FBXL7: variants seen among roughly 807,000 people sequenced by gnomAD.
FBXL7 encodes F-box and leucine rich repeat protein 7.
In FBXL7, 12 loss-of-function variants were observed where a neutral mutation model predicts 38.3. The ratio of observed to expected loss-of-function variants is 0.31; its 90% CI spans 0.20 to 0.51. The LOEUF (loss-of-function observed/expected upper bound fraction) is 0.51. Among genes scored for constraint, FBXL7 ranks in the 20% least tolerant of loss-of-function variants. The pLI, the probability that FBXL7 is intolerant of heterozygous loss-of-function variation, is 0.98. For synonymous variants in FBXL7, 297 were observed against 300.9 expected (o/e 0.99, Z 0.13); for missense variants, 567 against 676.4 (o/e 0.84, Z 1.79).
At chr5:15,760,978 G>A (rs1561115927) in intron 2 of FBXL7, among the ~76,000 whole-genome samples, 1 of 151,714 alleles carries the variant, frequency 6.6e-6, no homozygotes, top group Non-Finnish European at 1.5e-5. Flanking sequence ...AGTGATCATT[G>A]GAAGTTAGAC....
chr5:15,681,931 C>G (rs1386474601), intron 2 of FBXL7, among the ~76,000 whole-genome samples: 5 of 152,178 alleles, frequency 3.3e-5, no homozygotes, highest in Non-Finnish European at 7.3e-5. Flanking sequence ...TACAACATCT[C>G]TAGTTTGTTT....
chr5:15,672,686 C>T (rs1436039281), intron 2 of FBXL7, among the ~76,000 whole-genome samples: 1 of 151,880 alleles, frequency 6.6e-6, no homozygotes, highest in East Asian at 1.9e-4. Flanking sequence ...TCCCAAGTAG[C>T]TGAGACTACA....
intron 2 of FBXL7, among the ~76,000 whole-genome samples, chr5:15,618,398 CTG>C (rs988153352): frequency 2.0e-5 from 3 of 152,046 alleles, no homozygotes; most frequent in Non-Finnish European, 4.4e-5. Context: ...ATTTGTGTGT[CTG>C]AATCCTTTTT....
At chr5:15,553,243 T>C (rs1202993968) in intron 1 of FBXL7, among the ~76,000 whole-genome samples, 1 of 152,176 alleles carries the variant, frequency 6.6e-6, no homozygotes, top group Non-Finnish European at 1.5e-5. Flanking sequence ...GGCCCACTTG[T>C]CTTATTTACC....
chr5:15,510,786 C>G (rs1276811366), intron 1 of FBXL7, among the ~76,000 whole-genome samples: 1 of 152,192 alleles, frequency 6.6e-6, no homozygotes, highest in Non-Finnish European at 1.5e-5. Context: ...ATAATTATAG[C>G]TAGCAGTTAT....
intron 2 of FBXL7, among the ~76,000 whole-genome samples, chr5:15,783,334 G>A (rs2126723240): frequency 6.6e-6 from 1 of 152,266 alleles, no homozygotes; most frequent in Middle Eastern, 3.4e-3. Flanking sequence ...TGCAGTTCCT[G>A]GAAATGAGAA....
intron 1 of FBXL7, among the ~76,000 whole-genome samples, chr5:15,562,073 C>G (rs1487779347): frequency 3.3e-5 from 5 of 151,808 alleles, no homozygotes; most frequent in Non-Finnish European, 7.4e-5. Context: ...GGATATTAAC[C>G]TGCAAAAGAA....
chr5:15,760,075 C>T (rs1035083298), intron 2 of FBXL7, among the ~76,000 whole-genome samples: 2 of 151,662 alleles, frequency 1.3e-5, no homozygotes, highest in Non-Finnish European at 2.9e-5. Context: ...TTGCTTTAAT[C>T]CTTGTTTTTT....
intron 1 of FBXL7, among the ~76,000 whole-genome samples, chr5:15,542,705 C>A (rs1486735530): frequency 6.6e-6 from 1 of 152,140 alleles, no homozygotes; most frequent in Non-Finnish European, 1.5e-5. Context: ...AGATAAACTT[C>A]AGAATCTATA....
At chr5:15,723,683 CTT>C (rs1561100527) in intron 2 of FBXL7, among the ~76,000 whole-genome samples, 1 of 152,068 alleles carries the variant, frequency 6.6e-6, no homozygotes, top group East Asian at 1.9e-4. Context: ...TTGTGTCTTT[CTT>C]TTGTTATTAA....
intron 2 of FBXL7, among the ~76,000 whole-genome samples, chr5:15,901,973 T>C (rs1462040362): frequency 3.3e-5 from 5 of 152,178 alleles, no homozygotes; most frequent in African/African-American, 9.7e-5. Flanking sequence ...AAAAGTGATG[T>C]GATGATTATA....
chr5:15,664,469 CTTTTTTTTTTTT>C (rs34999340), intron 2 of FBXL7, among the ~76,000 whole-genome samples: 3 of 105,534 alleles, frequency 2.8e-5, no homozygotes, highest in Non-Finnish European at 3.7e-5. Flanking sequence ...TTTTCTTTTC[CTTTTTTTTTTTT>C]TTTTTTTTTT....
intron 2 of FBXL7, among the ~76,000 whole-genome samples, chr5:15,744,630 T>A (rs1561109197): frequency 6.6e-6 from 1 of 152,200 alleles, no homozygotes; most frequent in Non-Finnish European, 1.5e-5. Flanking sequence ...GTTACCCAGT[T>A]CCAAAGTCGC....
At chr5:15,532,769 T>TA (rs1737466488) in intron 1 of FBXL7, among the ~76,000 whole-genome samples, 1 of 152,170 alleles carries the variant, frequency 6.6e-6, no homozygotes. Flanking sequence ...AAATCCGAGT[T>TA]AAAGAACACT....
chr5:15,575,256 A>G (rs562151552), intron 1 of FBXL7, among the ~76,000 whole-genome samples: 11 of 151,186 alleles, frequency 7.3e-5, no homozygotes, highest in African/African-American at 2.2e-4. Flanking sequence ...TCTTTAACTT[A>G]TTCTGCCATG....
intron 2 of FBXL7, among the ~76,000 whole-genome samples, chr5:15,710,963 T>C (rs1022321156): frequency 2.0e-5 from 3 of 152,138 alleles, no homozygotes; most frequent in African/African-American, 7.2e-5. Context: ...TGGAAGATAA[T>C]TGAATTATGG....
chr5:15,509,099 GT>G (rs1227467748), intron 1 of FBXL7, among the ~76,000 whole-genome samples: 2 of 152,164 alleles, frequency 1.3e-5, no homozygotes, highest in Non-Finnish European at 2.9e-5. Context: ...TTATTGGTCA[GT>G]GATATTTGAT....
intron 2 of FBXL7, among the ~76,000 whole-genome samples, chr5:15,693,890 A>G (rs1286084944): frequency 6.6e-6 from 1 of 152,106 alleles, no homozygotes; most frequent in East Asian, 1.9e-4. Flanking sequence ...TCCACCATTC[A>G]ATAAAACCTT....
intron 2 of FBXL7, among the ~76,000 whole-genome samples, chr5:15,876,734 A>G (rs532703561): frequency 1.3e-5 from 2 of 152,200 alleles, no homozygotes; most frequent in African/African-American, 4.8e-5. Context: ...AGTTCCACTT[A>G]TGGGAGCTCT....
Sources: gnomAD v4.1 joint callset for allele counts (sites outside exome capture counted in the v4.1 genomes callset) on GRCh38, gnomAD v4.1.1 for gene constraint, MANE v1.5 for transcripts, NCBI Gene and HGNC (gene_info 2026-07-23, HGNC 2026-07-21) for gene names.